The following ATXN1 variants were observed in gnomAD, a reference collection of about 807,000 sequenced individuals.
ATXN1 encodes ataxin 1, also known as ataxin-1.
Under a neutral mutation model 56.4 loss-of-function variants are expected in ATXN1, and 8 were observed. That is an observed-to-expected ratio of 0.14 (90% confidence interval 0.08 to 0.26). The LOEUF is 0.26. ATXN1 is among the 10% of genes least tolerant of loss of function. ATXN1 has a pLI of 1.00. For synonymous variants in ATXN1, 514 were observed against 494.6 expected (o/e 1.04, Z -0.52); for missense variants, 987 against 1,106.5 (o/e 0.89, Z 1.53).
At chr6:16,354,846 G>A (rs1485931393) in intron 6 of ATXN1, among the ~76,000 whole-genome samples, 1 of 152,172 alleles carries the variant, frequency 6.6e-6, no homozygotes, top group Non-Finnish European at 1.5e-5. Context: ...TTTCTGATAT[G>A]CAAGAAACTC....
intron 2 of ATXN1, among the ~76,000 whole-genome samples, chr6:16,682,202 A>ATTTTTTTTTTTTT (rs1561806475): frequency 4.0e-5 from 2 of 50,034 alleles, no homozygotes; most frequent in South Asian, 5.5e-4. Context: ...ACTGGGGAGA[A>ATTTTTTTTTTTTT]CTTTTTTTTT....
intron 6 of ATXN1, among the ~76,000 whole-genome samples, chr6:16,463,037 T>C (rs1760030946): frequency 1.3e-5 from 2 of 152,144 alleles, no homozygotes; most frequent in African/African-American, 4.8e-5. Context: ...CTCTCTTGAA[T>C]GGTTCCTAGT....
At chr6:16,529,933 A>T (rs752682709) in intron 4 of ATXN1, among the ~76,000 whole-genome samples, 26 of 152,232 alleles carry the variant, frequency 1.7e-4, no homozygotes, top group Non-Finnish European at 3.4e-4. Context: ...GCAGAAATGA[A>T]TGAATCCTCA....
At chr6:16,740,525 C>T (rs181138917) in intron 2 of ATXN1, among the ~76,000 whole-genome samples, 3 of 152,090 alleles carry the variant, frequency 2.0e-5, no homozygotes, top group African/African-American at 7.2e-5. Flanking sequence ...TATATGAGAT[C>T]AATTTGATTT....
chr6:16,341,502 C>A (rs1761247340), intron 6 of ATXN1, among the ~76,000 whole-genome samples: 2 of 150,116 alleles, frequency 1.3e-5, no homozygotes, highest in Non-Finnish European at 1.5e-5. Context: ...GTGAGAACCT[C>A]TGGTATAGAG....
intron 2 of ATXN1, among the ~76,000 whole-genome samples, chr6:16,726,485 G>A (rs1759853177): frequency 6.6e-6 from 1 of 152,032 alleles, no homozygotes; most frequent in Non-Finnish European, 1.5e-5. Flanking sequence ...AAACACTAAG[G>A]TAGAACTTCT....
chr6:16,361,960 G>T (rs565342205), intron 6 of ATXN1, among the ~76,000 whole-genome samples: 12 of 152,328 alleles, frequency 7.9e-5, no homozygotes, highest in African/African-American at 2.9e-4. Flanking sequence ...GAAATTGGGG[G>T]ACTCCTCATC....
At chr6:16,751,681 T>C (rs945023454) in intron 2 of ATXN1, among the ~76,000 whole-genome samples, 2 of 152,182 alleles carry the variant, frequency 1.3e-5, no homozygotes, top group African/African-American at 4.8e-5. Flanking sequence ...AAAGGCTCCT[T>C]GGCTTTGCAG....
At chr6:16,346,026 C>T (rs1237757615) in intron 6 of ATXN1, among the ~76,000 whole-genome samples, 1 of 152,128 alleles carries the variant, frequency 6.6e-6, no homozygotes, top group Non-Finnish European at 1.5e-5. Flanking sequence ...TGACTGCATC[C>T]GGCAGGAAGT....
intron 2 of ATXN1, among the ~76,000 whole-genome samples, chr6:16,714,520 A>G (rs1419493161): frequency 1.3e-5 from 2 of 152,232 alleles, no homozygotes; most frequent in Admixed American, 6.5e-5. Context: ...AAATACAGAA[A>G]TGGCAAAGAA....
intron 2 of ATXN1, among the ~76,000 whole-genome samples, chr6:16,727,487 G>T (rs1429417180): frequency 6.6e-6 from 1 of 151,896 alleles, no homozygotes; most frequent in African/African-American, 2.4e-5. Context: ...GTTTCAAGAA[G>T]AAATATAGTT....
At chr6:16,411,102 G>A (rs1012934468) in intron 6 of ATXN1, among the ~76,000 whole-genome samples, 2 of 141,820 alleles carry the variant, frequency 1.4e-5, no homozygotes, top group African/African-American at 5.3e-5. Context: ...TCCAGCCTGG[G>A]TGACAGAGTG....
chr6:16,739,604 C>T (rs1760260439), intron 2 of ATXN1: 4 of 315,894 alleles, frequency 1.3e-5, no homozygotes, highest in Admixed American at 3.7e-5. Context: ...AGGTGTGTAG[C>T]TGCAAGCCAA....
At chr6:16,443,154 C>T (rs184469739) in intron 6 of ATXN1, among the ~76,000 whole-genome samples, 1 of 145,586 alleles carries the variant, frequency 6.9e-6, no homozygotes, top group African/African-American at 2.6e-5. Context: ...TGTACTCCAG[C>T]CTGGGTGACA....
intron 3 of ATXN1, among the ~76,000 whole-genome samples, chr6:16,636,541 T>G (rs73367633): frequency 0.056 from 8,502 of 152,318 alleles, 429 homozygotes; most frequent in Middle Eastern, 0.15. Flanking sequence ...GCCTGATGCA[T>G]GGGCACCTTC....
chr6:16,652,671 G>A (rs1471228325), intron 3 of ATXN1, among the ~76,000 whole-genome samples: 2 of 152,144 alleles, frequency 1.3e-5, no homozygotes, highest in East Asian at 3.8e-4. Context: ...CCTGGCTCTT[G>A]CCTTCTGCAA....
intron 4 of ATXN1, among the ~76,000 whole-genome samples, chr6:16,541,385 T>C (rs1011748877): frequency 1.3e-5 from 2 of 152,254 alleles, no homozygotes; most frequent in Non-Finnish European, 2.9e-5. Context: ...GGACCTGTTC[T>C]TAGCTTCCCA....
chr6:16,640,655 C>A (rs980949754), intron 3 of ATXN1, among the ~76,000 whole-genome samples: 1 of 151,132 alleles, frequency 6.6e-6, no homozygotes, highest in Non-Finnish European at 1.5e-5. Context: ...TGCACTCAAG[C>A]CTGGGTGACA....
chr6:16,637,549 AG>A (rs1340998363), intron 3 of ATXN1, among the ~76,000 whole-genome samples: 1 of 152,170 alleles, frequency 6.6e-6, no homozygotes, highest in African/African-American at 2.4e-5. Context: ...AAACTAATTG[AG>A]CACACTAGAA....
Sources: gnomAD v4.1 joint callset for allele counts (sites outside exome capture counted in the v4.1 genomes callset) on GRCh38, gnomAD v4.1.1 for gene constraint, MANE v1.5 for transcripts, NCBI Gene and HGNC (gene_info 2026-07-23, HGNC 2026-07-21) for gene names.